Variants in PRKAG2 observed in about 807,000 individuals in gnomAD.
The protein encoded by PRKAG2 is 5'-AMP-activated protein kinase subunit gamma-2.
PRKAG2 carries 26 observed loss-of-function variants against 69.6 expected under a neutral mutation model. The observed-to-expected ratio is 0.37, with a 90% CI of 0.27 to 0.52. PRKAG2 has a LOEUF of 0.52. Ranked by LOEUF, PRKAG2 falls within the 20% of genes least tolerant of loss-of-function variation. The probability of loss-of-function intolerance (pLI) is 0.90; values close to 1 mark genes in which losing one functional copy is unlikely to be tolerated. For synonymous variants in PRKAG2, 293 were observed against 285.0 expected (o/e 1.03, Z -0.28); for missense variants, 557 against 740.0 (o/e 0.75, Z 2.87).
chr7:151,838,879 T>C (rs565647481), intron 1 of PRKAG2, among the ~76,000 whole-genome samples: 1 of 151,664 alleles, frequency 6.6e-6, no homozygotes, highest in South Asian at 2.1e-4. Context: ...GCCAGGCGTG[T>C]TGGCTCATGC....
Position 151,768,460 on chromosome 7 carries a change from T to C in PRKAG2, c.466+12692A>G, listed in dbSNP as rs947348716. ...TTCTTCAAGATCTCTCTTCCTATTC[T>C]TTCTTTCTTTCTTTTTTTTTCTGGA... On this transcript the variant is annotated intron_variant, in intron 3 of 15. Transcript: ENST00000287878. Among the ~76,000 whole-genome samples the C allele has an allele frequency of 8.7e-5, 7 of 80,438 alleles. No homozygotes were observed. The Admixed American group carries it at 9.8e-4, about 11-fold the overall frequency. 52.8% of individuals were successfully genotyped at this position (80,438 alleles called of 152,430 possible).
intron 3 of PRKAG2, among the ~76,000 whole-genome samples, chr7:151,716,155 A>G (rs1796155125): frequency 6.6e-6 from 1 of 152,134 alleles, no homozygotes; most frequent in Non-Finnish European, 1.5e-5. Context: ...AGAAGTTTAA[A>G]CATTTACAAC....
At chr7:151,825,835 G>A (rs1034832453) in intron 1 of PRKAG2, among the ~76,000 whole-genome samples, 2 of 152,192 alleles carry the variant, frequency 1.3e-5, no homozygotes, top group African/African-American at 4.8e-5. Flanking sequence ...CTCAGAGCTA[G>A]GTCAAGCTTC....
At chr7:151,867,709 G>A (rs761687720) in intron 1 of PRKAG2, among the ~76,000 whole-genome samples, 8 of 152,026 alleles carry the variant, frequency 5.3e-5, no homozygotes, top group Admixed American at 1.3e-4. Context: ...TTGTGTCCTC[G>A]ACACCCAGCC....
At chr7:151,701,339 CA>C (rs1441390187) in intron 3 of PRKAG2, among the ~76,000 whole-genome samples, 1 of 152,142 alleles carries the variant, frequency 6.6e-6, no homozygotes, top group East Asian at 1.9e-4. Flanking sequence ...TGTGTCTCCC[CA>C]AAAAGATACA....
chr7:151,606,535 C>T (rs1428871681), intron 5 of PRKAG2, among the ~76,000 whole-genome samples: 1 of 152,088 alleles, frequency 6.6e-6, no homozygotes, highest in Non-Finnish European at 1.5e-5. Context: ...ATCAAAATTC[C>T]TTGGCCGCGT....
chr7:151,776,989 C>T (rs751191933), intron 3 of PRKAG2, among the ~76,000 whole-genome samples: 16 of 152,142 alleles, frequency 1.1e-4, no homozygotes, highest in East Asian at 1.9e-4. Flanking sequence ...TGAGGCCTCC[C>T]GAAGGTACAG....
chr7:151,807,593 A>G lies in PRKAG2; in HGVS notation c.115-21052T>C, dbSNP rs1358426176. 2.2e-5 allele frequency: 10 copies of G among 457,714 alleles called. No individual in the cohort carries two copies. The highest frequency in any genetic ancestry group is 7.0e-5 in the East Asian group (1 of 14,384). The allele number at this position is 457,714 out of a possible 1,614,324, so 28.4% of individuals were successfully genotyped here. On this transcript the variant is annotated intron_variant, in intron 1 of 15. Coordinates refer to ENST00000287878, the MANE Select transcript of PRKAG2 (RefSeq NM_016203.4). The surrounding 1 kb of genome is among the most constrained non-coding windows in gnomAD (Gnocchi z 4.4). ...GATGCACAGCTGCCACGGAGGTAGG[A>G]AGAATGATTCGTTTGCCACCAAAAG...
At chr7:151,625,107 G>A (rs893199956) in intron 5 of PRKAG2, among the ~76,000 whole-genome samples, 8 of 152,156 alleles carry the variant, frequency 5.3e-5, no homozygotes, top group African/African-American at 7.2e-5. Context: ...GGGGCTACTG[G>A]GAAACACAAA....
intron 3 of PRKAG2, among the ~76,000 whole-genome samples, chr7:151,724,392 A>C (rs1267860707): frequency 6.6e-6 from 1 of 152,032 alleles, no homozygotes; most frequent in East Asian, 1.9e-4. Context: ...ATCTCCACAG[A>C]GTCTGTCGGC....
Position 151,771,243 on chromosome 7 carries a change from C to T in PRKAG2, c.466+9909G>A, listed in dbSNP as rs570483919. ...TTCCCTTAGCTAAAATTTCGATTTC[C>T]GCTTTACATTTTTGGCATTTTAAAA... On this transcript the variant is annotated intron_variant, in intron 3 of 15. Transcript: ENST00000287878. This position sits in a 1 kb window ranked among gnomAD's most constrained non-coding sequence, Gnocchi z 4.0. 2.0e-4 allele frequency among the ~76,000 whole-genome samples: 31 copies of T among 152,262 alleles called. No individual in the cohort carries two copies. Among genetic ancestry groups the T allele is most frequent in the Non-Finnish European group, 4.0e-4 (27 of 68,008 alleles).
rs61417635 is a variant in PRKAG2 at position 151,688,042 on chromosome 7, G to GCCC, written c.467-12408_467-12406dup. Among the ~76,000 whole-genome samples the GCCC allele has an allele frequency of 8.1e-4, 87 of 107,058 alleles. 6 individuals carry two copies. Among genetic ancestry groups the GCCC allele is most frequent in the African/African-American group, 2.5e-3 (75 of 30,484 alleles). The allele number at this position is 107,058 out of a possible 152,430, so 70.2% of individuals were successfully genotyped here. ...AGGAGGAGGAGGAGGAGGAAATGAG[G>GCCC]CCCCCCCCCGGGCTCCTTGCTGAGT... On this transcript the variant is annotated intron_variant, in intron 3 of 15. Transcript: ENST00000287878.
chr7:151,716,621 G>C (rs1490100012), intron 3 of PRKAG2, among the ~76,000 whole-genome samples: 1 of 152,198 alleles, frequency 6.6e-6, no homozygotes, highest in Non-Finnish European at 1.5e-5. Flanking sequence ...ATGGGACACT[G>C]TTGCCCCATT....
At chr7:151,820,353 G>A (rs769166981) in intron 1 of PRKAG2, among the ~76,000 whole-genome samples, 2 of 152,230 alleles carry the variant, frequency 1.3e-5, no homozygotes, top group Non-Finnish European at 2.9e-5. Context: ...CACACCCACT[G>A]CCGTGGGCTC....
chr7:151,760,965 AAGCCACAAGG>A (rs1223783851), intron 3 of PRKAG2, among the ~76,000 whole-genome samples: 57 of 152,348 alleles, frequency 3.7e-4, no homozygotes, highest in African/African-American at 1.3e-3. Flanking sequence ...AAAGGAGGCT[AAGCCACAAGG>A]ATGCTTATCA....
At chr7:151,745,270 C>T (rs910905411) in intron 3 of PRKAG2, among the ~76,000 whole-genome samples, 3 of 152,214 alleles carry the variant, frequency 2.0e-5, no homozygotes, top group African/African-American at 4.8e-5. Flanking sequence ...CCCTCCGCGC[C>T]GGGGAGCAGC....
chr7:151,772,621 T>C (rs2076072886), intron 3 of PRKAG2, among the ~76,000 whole-genome samples: 1 of 152,128 alleles, frequency 6.6e-6, no homozygotes, highest in African/African-American at 2.4e-5. Context: ...ATCCCAAGAT[T>C]TAGATATTCA....
chr7:151,763,837 C>T (rs11520856), intron 3 of PRKAG2, among the ~76,000 whole-genome samples: 2,413 of 152,336 alleles, frequency 0.016, 40 homozygotes, highest in African/African-American at 0.037. Context: ...TGTCACCTGA[C>T]GAGCCCTAAC....
At chr7:151,774,761 C>G (rs1308029479) in intron 3 of PRKAG2, among the ~76,000 whole-genome samples, 2 of 152,138 alleles carry the variant, frequency 1.3e-5, no homozygotes, top group African/African-American at 4.8e-5. Context: ...GAGCCGAGAT[C>G]TCGCCATTGC....
Sources: gnomAD v4.1 joint callset for allele counts (sites outside exome capture counted in the v4.1 genomes callset) on GRCh38, gnomAD v4.1.1 for gene constraint, Gnocchi (gnomAD v3.1) non-coding constraint, MANE v1.5 for transcripts, NCBI Gene and HGNC (gene_info 2026-07-23, HGNC 2026-07-21) for gene names.